The following MCUB variants were observed in gnomAD, a reference collection of about 807,000 sequenced individuals.
MCUB encodes the protein mitochondrial calcium uniporter dominant negative subunit beta.
In MCUB, 46 loss-of-function variants were observed where a neutral mutation model predicts 41.4. The observed-to-expected ratio is 1.11, with a 90% confidence interval of 0.88 to 1.42. The LOEUF is 1.42. Among genes scored for constraint, MCUB ranks in the 40% most tolerant of loss-of-function variants. The probability of loss-of-function intolerance (pLI) is 0.00; values close to 1 mark genes in which losing one functional copy is unlikely to be tolerated. For synonymous variants in MCUB, 148 were observed against 148.2 expected (o/e 1.00, Z 0.01); for missense variants, 403 against 404.9 (o/e 1.00, Z 0.04).
At chr4:109,646,918 T>G (rs758574630) in intron 1 of MCUB, among the ~76,000 whole-genome samples, 6 of 152,210 alleles carry the variant, frequency 3.9e-5, no homozygotes, top group Non-Finnish European at 8.8e-5. Flanking sequence ...TATTTATGTA[T>G]CTATCAAAAA....
chr4:109,630,385 C>T (rs141910412), intron 1 of MCUB, among the ~76,000 whole-genome samples: 3 of 152,154 alleles, frequency 2.0e-5, no homozygotes, highest in African/African-American at 7.2e-5. Context: ...TCACTTGAGC[C>T]CAGGAGTTGG....
chr4:109,655,330 A>G (rs1641812472), intron 1 of MCUB, among the ~76,000 whole-genome samples: 1 of 152,152 alleles, frequency 6.6e-6, no homozygotes, highest in Admixed American at 6.5e-5. Flanking sequence ...GCTGAACCTC[A>G]TTGTTTAGGG....
At chr4:109,568,884 G>A (rs1031535891) in intron 1 of MCUB, among the ~76,000 whole-genome samples, 10 of 152,132 alleles carry the variant, frequency 6.6e-5, no homozygotes, top group African/African-American at 2.4e-4. Flanking sequence ...TTCCTTAATG[G>A]TGTGTTCTGT....
At chr4:109,635,692 C>CA (rs1312010496) in intron 1 of MCUB, among the ~76,000 whole-genome samples, 2 of 152,132 alleles carry the variant, frequency 1.3e-5, no homozygotes, top group African/African-American at 4.8e-5. Flanking sequence ...AAGGGAGCGT[C>CA]TTCCTTCCTT....
chr4:109,576,146 TAGG>T (rs1383482774), intron 1 of MCUB, among the ~76,000 whole-genome samples: 3 of 152,196 alleles, frequency 2.0e-5, no homozygotes, highest in African/African-American at 7.2e-5. Context: ...GACAGGCAGA[TAGG>T]AGGAGACGAA....
chr4:109,652,604 A>G (rs758218873), intron 1 of MCUB, among the ~76,000 whole-genome samples: 2 of 152,172 alleles, frequency 1.3e-5, no homozygotes, highest in Admixed American at 6.5e-5. Context: ...AGAAAGCTCA[A>G]TCAAACCCGC....
intron 1 of MCUB, among the ~76,000 whole-genome samples, chr4:109,624,911 G>C (rs1390503411): frequency 6.6e-6 from 1 of 152,142 alleles, no homozygotes; most frequent in Non-Finnish European, 1.5e-5. Flanking sequence ...AGGCCAAGGT[G>C]GGTGGATCAT....
intron 1 of MCUB, among the ~76,000 whole-genome samples, chr4:109,563,655 A>C (rs1053171150): frequency 1.9e-4 from 29 of 152,198 alleles, no homozygotes; most frequent in African/African-American, 7.0e-4. Context: ...CTTAAGTATT[A>C]GTGTGTTTTT....
intron 1 of MCUB, among the ~76,000 whole-genome samples, chr4:109,596,434 G>A (rs1310293817): frequency 1.3e-5 from 2 of 148,254 alleles, no homozygotes; most frequent in Non-Finnish European, 3.0e-5. Flanking sequence ...TTAGCTGGGG[G>A]AGCCCATGAG....
intron 1 of MCUB, among the ~76,000 whole-genome samples, chr4:109,578,472 G>A (rs533402184): frequency 2.0e-5 from 3 of 151,932 alleles, no homozygotes; most frequent in African/African-American, 7.2e-5. Flanking sequence ...TTAAATCCAG[G>A]TCTTCATAAT....
Position 109,584,102 on chromosome 4 carries a change from TATTA to T in MCUB, c.99+23671_99+23674del, listed in dbSNP as rs573187563. On this transcript the variant is annotated intron_variant, in intron 1 of 7. Transcript: ENST00000394650. ...CCTGGACTTTTTTTGGTTGGTAGGCTATTAATTATTGCCTCAATTTCAGAACCTC... is the reference window on the plus strand; with the variant it reads ...CCTGGACTTTTTTTGGTTGGTAGGCTATTATTGCCTCAATTTCAGAACCTC... Among the ~76,000 whole-genome samples the T allele has an allele frequency of 3.5e-3, 532 of 152,344 alleles. 6 individuals are homozygous for T. Among genetic ancestry groups the T allele is most frequent in the East Asian group, 0.013 (69 of 5,188 alleles).
intron 1 of MCUB, among the ~76,000 whole-genome samples, chr4:109,611,734 T>A (rs1728012683): frequency 6.6e-6 from 1 of 152,172 alleles, no homozygotes; most frequent in African/African-American, 2.4e-5. Context: ...TTCTTTTCTC[T>A]CTGTTAAAAA....
intron 1 of MCUB, among the ~76,000 whole-genome samples, chr4:109,657,010 G>C (rs1388981201): frequency 6.6e-6 from 1 of 152,092 alleles, no homozygotes; most frequent in Non-Finnish European, 1.5e-5. Flanking sequence ...ACAAGTTCAG[G>C]AGTTTGAGAC....
rs1729877146 is a variant in MCUB at position 109,687,533 on chromosome 4, C to T, written c.952C>T (p.Gln318Ter). The T allele has an allele frequency of 1.2e-6, 2 of 1,612,210 alleles. No homozygotes were observed. Among genetic ancestry groups the T allele is most frequent in the African/African-American group, 1.3e-5 (1 of 74,978 alleles). ...DLAKAKESLK[Q>*]ARHSLCLQMQ... ...ATGACAGGCTAAAGAATCCCTGAAA[C>T]AGGCGCGTCATTCTCTCTGTTTGCA... The change falls in exon 8 of 8, where the codon CAG becomes TAG. Residue 318 changes from glutamine to a stop codon, truncating the protein, a stop_gained. Coordinates refer to ENST00000394650, the MANE Select transcript of MCUB (RefSeq NM_017918.5). LOFTEE classifies it low-confidence loss of function (END_TRUNC).
Position 109,608,857 on chromosome 4 carries a change from T to A in MCUB, c.99+48421T>A, listed in dbSNP as rs78874115. 2.6e-5 allele frequency among the ~76,000 whole-genome samples: 4 copies of A among 152,302 alleles called. No individual in the cohort carries two copies. The East Asian group carries it at 7.7e-4, about 29-fold the overall frequency. ...AGTATGGGCTTGTTTGTACCCATCT[T>A]TGGGAAGATTTCCAAATATTTAAAG... On this transcript the variant is annotated intron_variant, in intron 1 of 7. Transcript: ENST00000394650.
At chr4:109,607,182 G>T (rs1189730556) in intron 1 of MCUB, among the ~76,000 whole-genome samples, 2 of 151,482 alleles carry the variant, frequency 1.3e-5, no homozygotes, top group Non-Finnish European at 2.9e-5. Context: ...GTACTTTCAG[G>T]TGATTTCTTA....
intron 1 of MCUB, among the ~76,000 whole-genome samples, chr4:109,626,198 C>T (rs368543497): frequency 1.3e-5 from 2 of 152,182 alleles, no homozygotes; most frequent in African/African-American, 4.8e-5. Context: ...TTACAGTTCT[C>T]ACCAATCCCA....
chr4:109,597,430 C>G (rs1201793527), intron 1 of MCUB, among the ~76,000 whole-genome samples: 81 of 141,548 alleles, frequency 5.7e-4, no homozygotes, highest in African/African-American at 1.9e-3. Context: ...CCACCTCCCT[C>G]CCGGACGGGG....
chr4:109,576,464 C>G (rs1183470633), intron 1 of MCUB, among the ~76,000 whole-genome samples: 1 of 149,208 alleles, frequency 6.7e-6, no homozygotes, highest in East Asian at 1.9e-4. Context: ...AGTGGTCAGC[C>G]TCACTGATAG....
Sources: gnomAD v4.1 joint callset for allele counts (sites outside exome capture counted in the v4.1 genomes callset) on GRCh38, gnomAD v4.1.1 for gene constraint, MANE v1.5 for transcripts, NCBI Gene and HGNC (gene_info 2026-07-23, HGNC 2026-07-21) for gene names.